The following PNLIPRP1 variants were observed in gnomAD, a reference collection of about 807,000 sequenced individuals.
PNLIPRP1 encodes inactive pancreatic lipase-related protein 1.
Under a neutral mutation model 54.6 loss-of-function variants are expected in PNLIPRP1, and 57 were observed. That is an observed-to-expected ratio of 1.04 (90% CI 0.84 to 1.30). The LOEUF (loss-of-function observed/expected upper bound fraction) is 1.30, where lower values mean the gene tolerates loss of function less well. Among genes scored for constraint, PNLIPRP1 ranks in the 50% most tolerant of loss-of-function variants. PNLIPRP1 has a pLI of 0.00. For synonymous variants in PNLIPRP1, 232 were observed against 208.8 expected (o/e 1.11, Z -0.96); for missense variants, 567 against 568.5 (o/e 1.00, Z 0.03).
chr10:116,605,585 T>C (rs1847923709), intron 12 of PNLIPRP1, 32 bp downstream of exon 12: 1 of 1,426,364 alleles, frequency 7.0e-7, no homozygotes, highest in African/African-American at 1.4e-5. Flanking sequence ...TGCCTAAAAA[T>C]GTTTGCAGAG....
chr10:116,602,750 TGA>T (rs781961167), intron 10 of PNLIPRP1, among the ~76,000 whole-genome samples: 3 of 133,204 alleles, frequency 2.3e-5, no homozygotes, highest in South Asian at 2.7e-4. Context: ...AATGCATGTG[TGA>T]GTGTGTTTGT....
At chr10:116,593,167 CAAA>C (rs57951858) in intron 4 of PNLIPRP1, 7 of 79,050 alleles carry the variant, frequency 8.9e-5, no homozygotes, top group Admixed American at 1.5e-4. Flanking sequence ...GACTCCATCT[CAAA>C]AAAAAAAAAA....
At chr10:116,604,264 T>C (rs1847899123) in intron 11 of PNLIPRP1, 126 bp downstream of exon 11, 1 of 532,772 alleles carries the variant, frequency 1.9e-6, no homozygotes, top group East Asian at 3.2e-5. Flanking sequence ...ATGCAACATG[T>C]AACAACATTT....
rs1554864173 is a variant in PNLIPRP1, at chr10:116,597,933, T to C, written c.680T>C (p.Leu227Pro). 1 of 1,614,232 alleles carries C rather than the reference T, an allele frequency of 6.2e-7. No homozygotes were observed. The highest frequency in any genetic ancestry group is 1.7e-5 in the Admixed American group (1 of 60,032). Reference protein sequence around the residue: ...VDVIHTDAAPLIPFLGFGTNQ... With the variant: ...VDVIHTDAAPPIPFLGFGTNQ... ...GTGATTCACACGGATGCAGCTCCCC[T>C]GATCCCATTCTTGGGTGAGACCTAT... Residue 227 changes from leucine (L) to proline (P), a missense_variant, in exon 7 of 13, where the codon CTG becomes CCG. By Grantham distance (98) the Leu-to-Pro change is moderately conservative. Coordinates refer to ENST00000358834, the MANE Select transcript of PNLIPRP1 (RefSeq NM_006229.4).
Position 116,596,226 on chromosome 10 carries a change from T to G in PNLIPRP1, c.478T>G (p.Tyr160Asp). The change falls in exon 6 of 13, where the codon TAC (tyrosine) becomes GAC (aspartate). Residue 160 changes from tyrosine to aspartate, a missense_variant. Coordinates refer to ENST00000358834, the MANE Select transcript of PNLIPRP1 (RefSeq NM_006229.4). ...MLDILLTEYS[Y>D]PPSKVHLIGH... is the part of the protein sequence containing the mutation. ...CTTCCCTCTCCAGACAGAGTATAGC[T>G]ACCCCCCTTCCAAAGTTCACCTCAT... is the stretch of plus-strand genomic sequence containing the variant. 1.2e-6 allele frequency: 2 copies of G among 1,611,216 alleles called. No individual in the cohort carries two copies. The highest frequency in any genetic ancestry group is 2.2e-5 in the South Asian group (2 of 90,998).
At chr10:116,606,722 T>C (rs1847942295) in intron 12 of PNLIPRP1, among the ~76,000 whole-genome samples, 1 of 152,188 alleles carries the variant, frequency 6.6e-6, no homozygotes, top group Non-Finnish European at 1.5e-5. Flanking sequence ...CCAGGTTTTC[T>C]GAGGAAAGGC....
Position 116,597,861 on chromosome 10 carries a change from C to T in PNLIPRP1, c.608C>T (p.Thr203Ile). ...CCTGTAGAAGCAAGTTTCGAGAGTA[C>T]TCCTGAAGAGGTGCGACTTGATCCC... ...LDPVEASFES[T>I]PEEVRLDPSD... The change falls in exon 7 of 13, where the codon ACT becomes ATT. Residue 203 changes from threonine (T) to isoleucine (I), a missense_variant. Coordinates refer to ENST00000358834, the MANE Select transcript of PNLIPRP1 (RefSeq NM_006229.4). 6.2e-7 allele frequency: 1 copy of T among 1,614,164 alleles called. No homozygotes were observed. The highest frequency in any genetic ancestry group is 8.5e-7 in the Non-Finnish European group (1 of 1,180,018).
chr10:116,592,594 C>T (rs781937131), intron 4 of PNLIPRP1, 53 bp downstream of exon 4: 1 of 1,604,614 alleles, frequency 6.2e-7, no homozygotes, highest in Non-Finnish European at 8.5e-7. Flanking sequence ...CTTCTGCTAA[C>T]ATCTCTGCAT....
Position 116,609,134 on chromosome 10 carries a change from G to C in PNLIPRP1, c.*18G>C. The C allele has an allele frequency of 6.3e-7, 1 of 1,587,858 alleles. No homozygotes were observed. The highest frequency in any genetic ancestry group is 8.6e-7 in the Non-Finnish European group (1 of 1,163,830). ...CCTGCTAAGCTCCCGGGGCGACGAG[G>C]CTGCTGCGTTCACACTAATAAAATC... is the stretch of plus-strand genomic sequence containing the variant. On this transcript the variant is annotated 3_prime_UTR_variant, in exon 13 of 13. Coordinates refer to ENST00000358834, the MANE Select transcript of PNLIPRP1 (RefSeq NM_006229.4).
chr10:116,593,954 CAAAAA>C (rs57786929), intron 4 of PNLIPRP1: 76 of 94,554 alleles, frequency 8.0e-4, no homozygotes, highest in South Asian at 4.2e-3. Flanking sequence ...GAGGCTGTCT[CAAAAA>C]AAAAAAAAAA....
At chr10:116,607,464 C>T (rs534511376) in intron 12 of PNLIPRP1, among the ~76,000 whole-genome samples, 7 of 152,026 alleles carry the variant, frequency 4.6e-5, no homozygotes, top group African/African-American at 1.7e-4. Context: ...CAGAGGGCCG[C>T]GGGGAGGCTG....
intron 10 of PNLIPRP1, among the ~76,000 whole-genome samples, chr10:116,603,165 C>T (rs1589575813): frequency 6.6e-6 from 1 of 152,188 alleles, no homozygotes; most frequent in African/African-American, 2.4e-5. Context: ...GACAGCTGCT[C>T]GTGCACCTGC....
intron 2 of PNLIPRP1, 60 bp from the exon 3 acceptor site, chr10:116,591,711 T>C: frequency 6.4e-7 from 1 of 1,566,454 alleles, no homozygotes. Context: ...CGAACAGCAG[T>C]GACACCCCAG....
At chr10:116,593,399 T>C (rs1200706873) in intron 4 of PNLIPRP1, among the ~76,000 whole-genome samples, 2 of 152,152 alleles carry the variant, frequency 1.3e-5, no homozygotes, top group Non-Finnish European at 2.9e-5. Flanking sequence ...ATGTGGAGAC[T>C]AGTTCAATCG....
chr10:116,605,280 G>T (rs997456117), intron 11 of PNLIPRP1, 106 bp from the exon 12 acceptor site: 5 of 603,874 alleles, frequency 8.3e-6, no homozygotes, highest in Non-Finnish European at 1.1e-5. Context: ...AAATTAATTC[G>T]GAAAAATAAT....
At position 116,605,536 on chromosome 10, in the gene PNLIPRP1, G is replaced by A. The variant is rs1564740956; in HGVS notation, c.1323G>A (p.Lys441=). ...GTGCCACCAAGATCACTGTGCAAAA[G>A]GGAGAAGAGAAGACAGTGTATGTAT... ...KVGATKITVQ[K]GEEKTVYNFC... Residue 441 remains lysine, a synonymous_variant, in exon 12 of 13, where the codon AAG becomes AAA. Coordinates refer to ENST00000358834, the MANE Select transcript of PNLIPRP1 (RefSeq NM_006229.4). 6.2e-7 allele frequency: 1 copy of A among 1,603,066 alleles called. No individual in the cohort carries two copies. Among genetic ancestry groups the A allele is most frequent in the East Asian group, 2.2e-5 (1 of 44,544 alleles).
rs148174202 is a variant in PNLIPRP1, at chr10:116,604,070, A to T, written c.1104A>T (p.Thr368=). 2.5e-4 allele frequency: 409 copies of T among 1,613,820 alleles called. 2 individuals carry two copies. The Middle Eastern group carries it at 3.1e-3, about 12-fold the overall frequency. The change falls in exon 11 of 13, where the codon ACA becomes ACT. Residue 368 remains threonine, a synonymous_variant. Coordinates refer to ENST00000358834, the MANE Select transcript of PNLIPRP1 (RefSeq NM_006229.4). The part of the protein sequence containing the change: ...YGVSITLSGR[T]ATGQIKVALF... Reference sequence around the variant, plus strand: ...TTTCCATCACACTGTCTGGAAGAACAGCCACTGGTCAGATCAAAGTTGCTT... The same window carrying T: ...TTTCCATCACACTGTCTGGAAGAACTGCCACTGGTCAGATCAAAGTTGCTT...
At position 116,596,323 on chromosome 10, in the gene PNLIPRP1, G is replaced by A. The variant is rs111552064; in HGVS notation, c.574+1G>A. ...ACTCCAGGCCTGAGCAGGATTACAG[G>A]TAAGGCCCCAGAGGCAGGGCCCCAG... On this transcript the variant is annotated splice_donor_variant, in intron 6 of 12. Coordinates refer to ENST00000358834, the MANE Select transcript of PNLIPRP1 (RefSeq NM_006229.4). LOFTEE classifies it high-confidence loss of function. 47 of 1,588,242 alleles carry A rather than the reference G, an allele frequency of 3.0e-5. No individual in the cohort carries two copies. In the African/African-American group the frequency reaches 5.2e-4, roughly 18 times the overall value.
At chr10:116,601,912 G>T (rs111289402) in intron 10 of PNLIPRP1, among the ~76,000 whole-genome samples, 4 of 152,180 alleles carry the variant, frequency 2.6e-5, no homozygotes. Flanking sequence ...CAAAATGCAC[G>T]CTGTTTAGCA....
Sources: gnomAD v4.1 joint callset for allele counts (sites outside exome capture counted in the v4.1 genomes callset) on GRCh38, gnomAD v4.1.1 for gene constraint, MANE v1.5 for transcripts, NCBI Gene and HGNC (gene_info 2026-07-23, HGNC 2026-07-21) for gene names.